SLC9A9: variants seen among roughly 807,000 people sequenced by gnomAD.
SLC9A9 encodes sodium/hydrogen exchanger 9.
Under a neutral mutation model 77.8 loss-of-function variants are expected in SLC9A9, and 62 were observed. The ratio of observed to expected loss-of-function variants is 0.80; its 90% CI spans 0.65 to 0.98. SLC9A9 has a LOEUF of 0.98. Ranked by LOEUF, SLC9A9 falls within the 50% of genes least tolerant of loss-of-function variation. The pLI is 0.00. For missense variants in SLC9A9, 775 were observed against 774.9 expected, an observed-to-expected ratio of 1.00 and a Z score of 0.00; for synonymous variants, 320 against 283.5, an observed-to-expected ratio of 1.13 and a Z score of -1.29.
chr3:143,655,320 A>G (rs955191556), intron 5 of SLC9A9, among the ~76,000 whole-genome samples: 3 of 152,212 alleles, frequency 2.0e-5, no homozygotes, highest in African/African-American at 4.8e-5. Context: ...GCTGGTAAAG[A>G]TAACCTAGGT....
intron 14 of SLC9A9, among the ~76,000 whole-genome samples, chr3:143,305,824 C>T (rs2030755078): frequency 6.6e-6 from 1 of 152,218 alleles, no homozygotes; most frequent in African/African-American, 2.4e-5. Flanking sequence ...GCTGGAAACA[C>T]GGCTTGAGTT....
intron 5 of SLC9A9, among the ~76,000 whole-genome samples, chr3:143,673,674 T>C (rs1419675551): frequency 1.3e-5 from 2 of 151,960 alleles, no homozygotes; most frequent in African/African-American, 4.8e-5. Flanking sequence ...AGAGGAACTA[T>C]GATCTAGATA....
chr3:143,464,917 T>C (rs929042304), intron 12 of SLC9A9, among the ~76,000 whole-genome samples: 4 of 152,202 alleles, frequency 2.6e-5, no homozygotes, highest in African/African-American at 9.7e-5. Context: ...TTTTCCCCTT[T>C]AGTTTTCTCA....
At chr3:143,676,983 C>T (rs1335932537) in intron 5 of SLC9A9, among the ~76,000 whole-genome samples, 1 of 152,192 alleles carries the variant, frequency 6.6e-6, no homozygotes, top group Admixed American at 6.5e-5. Flanking sequence ...CATCAGACAG[C>T]TTAAGATGAC....
chr3:143,416,675 G>A (rs1559906636), intron 12 of SLC9A9, among the ~76,000 whole-genome samples: 1 of 152,120 alleles, frequency 6.6e-6, no homozygotes, highest in African/African-American at 2.4e-5. Flanking sequence ...AAATAAAAAT[G>A]TTGTGTGACT....
intron 4 of SLC9A9, among the ~76,000 whole-genome samples, chr3:143,738,421 T>A (rs748981696): frequency 3.9e-5 from 6 of 152,198 alleles, no homozygotes; most frequent in Non-Finnish European, 8.8e-5. Context: ...TGTAACCTCC[T>A]AAATATTATT....
At chr3:143,347,000 G>A (rs998410207) in intron 14 of SLC9A9, 1 of 152,076 alleles carries the variant, frequency 6.6e-6, no homozygotes, top group African/African-American at 2.4e-5. Context: ...AAAAAGAGAA[G>A]CAGATGAAAG....
chr3:143,830,604 C>T (rs1334432820), intron 2 of SLC9A9, among the ~76,000 whole-genome samples: 1 of 152,088 alleles, frequency 6.6e-6, no homozygotes, highest in Non-Finnish European at 1.5e-5. Flanking sequence ...AGGTGTCAAC[C>T]TGTTTGAAGA....
chr3:143,841,822 C>A (rs913822295), intron 1 of SLC9A9, among the ~76,000 whole-genome samples: 1 of 148,558 alleles, frequency 6.7e-6, no homozygotes, highest in East Asian at 2.0e-4. Flanking sequence ...GGTGCAATCT[C>A]GGCTCACTGC....
At chr3:143,638,813 T>C (rs772563479) in intron 6 of SLC9A9, among the ~76,000 whole-genome samples, 56 of 152,210 alleles carry the variant, frequency 3.7e-4, no homozygotes, top group Non-Finnish European at 1.8e-4. Flanking sequence ...TCAGATTCCC[T>C]AAGCATCCCA....
chr3:143,580,326 A>G (rs2108664518), intron 6 of SLC9A9, among the ~76,000 whole-genome samples: 1 of 152,330 alleles, frequency 6.6e-6, no homozygotes, highest in African/African-American at 2.4e-5. Flanking sequence ...TTTGCACAGT[A>G]GCACAGCTTT....
At chr3:143,282,846 G>A (rs1382607345) in intron 14 of SLC9A9, among the ~76,000 whole-genome samples, 2 of 152,158 alleles carry the variant, frequency 1.3e-5, no homozygotes, top group Admixed American at 6.5e-5. Context: ...ATGGTTATTT[G>A]GATTTTCCTG....
chr3:143,383,792 C>A (rs182708971), intron 12 of SLC9A9, among the ~76,000 whole-genome samples: 58 of 152,274 alleles, frequency 3.8e-4, no homozygotes, highest in Non-Finnish European at 6.5e-4. Context: ...ACTCTTGTTC[C>A]TCATAAACAC....
chr3:143,750,629 A>T (rs1393577112), intron 4 of SLC9A9, among the ~76,000 whole-genome samples: 1 of 151,980 alleles, frequency 6.6e-6, no homozygotes, highest in East Asian at 1.9e-4. Flanking sequence ...ATGTTTTATG[A>T]TGTCATTTGG....
At chr3:143,631,037 A>C (rs1242079121) in intron 6 of SLC9A9, among the ~76,000 whole-genome samples, 1 of 152,190 alleles carries the variant, frequency 6.6e-6, no homozygotes, top group Non-Finnish European at 1.5e-5. Context: ...TCAGTCACTG[A>C]TAAAAATATT....
intron 9 of SLC9A9, among the ~76,000 whole-genome samples, chr3:143,526,950 A>G (rs2036418062): frequency 6.6e-6 from 1 of 152,170 alleles, no homozygotes; most frequent in African/African-American, 2.4e-5. Flanking sequence ...CTATATATAG[A>G]TAAGTGTGAC....
intron 4 of SLC9A9, among the ~76,000 whole-genome samples, chr3:143,729,995 C>A (rs879810180): frequency 6.6e-6 from 1 of 152,180 alleles, no homozygotes; most frequent in Non-Finnish European, 1.5e-5. Flanking sequence ...AGCCTGTCAG[C>A]TAAAAAGTAC....
At chr3:143,416,759 C>G (rs2034201274) in intron 12 of SLC9A9, among the ~76,000 whole-genome samples, 1 of 152,144 alleles carries the variant, frequency 6.6e-6, no homozygotes, top group Admixed American at 6.5e-5. Context: ...TATGCTTGTA[C>G]ATCTGTATGT....
At chr3:143,507,638 C>G (rs1280781101) in intron 9 of SLC9A9, among the ~76,000 whole-genome samples, 1 of 152,216 alleles carries the variant, frequency 6.6e-6, no homozygotes, top group Non-Finnish European at 1.5e-5. Context: ...TTAAACATTA[C>G]TTGTGTATCT....
Sources: allele counts gnomAD v4.1 joint callset (sites outside exome capture counted in the v4.1 genomes callset), GRCh38; gene constraint gnomAD v4.1.1; transcripts MANE v1.5; gene names NCBI Gene and HGNC (gene_info 2026-07-23, HGNC 2026-07-21).